The following DROSHA variants were observed in gnomAD, a reference collection of about 807,000 sequenced individuals.
DROSHA encodes the protein drosha ribonuclease III.
DROSHA carries 56 observed loss-of-function variants against 181.9 expected under a neutral mutation model. The observed-to-expected ratio is 0.31, with a 90% confidence interval of 0.25 to 0.38. The LOEUF (loss-of-function observed/expected upper bound fraction) is 0.38. Ranked by LOEUF, DROSHA falls within the 10% of genes least tolerant of loss-of-function variation. The probability of loss-of-function intolerance (pLI) is 1.00; values close to 1 mark genes in which losing one functional copy is unlikely to be tolerated. For synonymous variants in DROSHA, 524 were observed against 591.2 expected (o/e 0.89, Z 1.65); for missense variants, 1,218 against 1,743.5 (o/e 0.70, Z 5.37).
chr5:31,523,124 G>A (rs1740088123), intron 5 of DROSHA, among the ~76,000 whole-genome samples: 1 of 152,184 alleles, frequency 6.6e-6, no homozygotes, highest in Non-Finnish European at 1.5e-5. Flanking sequence ...ACTTCTAGAA[G>A]TTATATTAGG....
chr5:31,506,750 C>G (rs1738020027), intron 10 of DROSHA, among the ~76,000 whole-genome samples: 1 of 151,568 alleles, frequency 6.6e-6, no homozygotes, highest in Admixed American at 6.6e-5. Flanking sequence ...CCAGTCATGA[C>G]TTGTTGTGAT....
At chr5:31,460,906 AAAC>A (rs1248779076) in intron 20 of DROSHA, among the ~76,000 whole-genome samples, 2 of 151,982 alleles carry the variant, frequency 1.3e-5, no homozygotes, top group Non-Finnish European at 2.9e-5. Flanking sequence ...TACTGGCAAA[AAAC>A]AACAACAAAA....
Position 31,457,692 on chromosome 5 carries a change from C to T in DROSHA, c.2575-6052G>A, listed in dbSNP as rs184665577. 2.1e-4 allele frequency among the ~76,000 whole-genome samples: 32 copies of T among 152,128 alleles called. No individual in the cohort carries two copies. The South Asian group carries it at 5.2e-3, about 25-fold the overall frequency. ...ATCACTTGAACCTAGGAGTTTGAGA[C>T]GAGCCTGGGCAACAAAACTAGACCC... On this transcript the variant is annotated intron_variant, in intron 20 of 35. Transcript: ENST00000344624.
intron 20 of DROSHA, among the ~76,000 whole-genome samples, chr5:31,457,451 G>A (rs969312086): frequency 9.2e-5 from 14 of 152,046 alleles, no homozygotes; most frequent in African/African-American, 3.1e-4. Flanking sequence ...TTAAAAGATA[G>A]TTACCTGTCC....
At chr5:31,504,483 A>G in intron 11 of DROSHA, 72 bp downstream of exon 11, 2 of 1,487,322 alleles carry the variant, frequency 1.3e-6, no homozygotes, top group Non-Finnish European at 9.3e-7. Flanking sequence ...TTTATGGGGG[A>G]AAGAACAGCA....
chr5:31,459,265 T>A (rs1162719254), intron 20 of DROSHA, among the ~76,000 whole-genome samples: 1 of 152,096 alleles, frequency 6.6e-6, no homozygotes, highest in Admixed American at 6.6e-5. Flanking sequence ...TGAGGTGACA[T>A]GCACCTGTAG....
chr5:31,514,628 G>A lies in DROSHA; in HGVS notation c.1290+360C>T, dbSNP rs907013866. Reference sequence around the variant, plus strand: ...CCACTGCACTCCAGCCTGGGTGACAGAGCGAGACCCTGTCTCAAAAATAAA... The same window carrying A: ...CCACTGCACTCCAGCCTGGGTGACAAAGCGAGACCCTGTCTCAAAAATAAA... On this transcript the variant is annotated intron_variant, in intron 8 of 35. Coordinates refer to ENST00000344624, the MANE Select transcript of DROSHA (RefSeq NM_001382508.1). This position sits in a 1 kb window ranked among gnomAD's most constrained non-coding sequence, Gnocchi z 4.4. 3.3e-5 allele frequency among the ~76,000 whole-genome samples: 5 copies of A among 152,148 alleles called. No individual in the cohort carries two copies. Among genetic ancestry groups the A allele is most frequent in the East Asian group, 1.9e-4 (1 of 5,192 alleles).
chr5:31,407,062 G>T, intron 33 of DROSHA, 117 bp from the exon 34 acceptor site: 1 of 678,340 alleles, frequency 1.5e-6, no homozygotes, highest in Non-Finnish European at 2.2e-6. Flanking sequence ...AAAATAACAG[G>T]AAATGTGAAA....
At chr5:31,502,845 G>A (rs1268899830) in intron 11 of DROSHA, among the ~76,000 whole-genome samples, 1 of 152,204 alleles carries the variant, frequency 6.6e-6, no homozygotes, top group Non-Finnish European at 1.5e-5. Context: ...ATCTCTCCCA[G>A]CGGGTGGAGT....
intron 13 of DROSHA, chr5:31,489,123 A>T (rs1036022219): frequency 6.6e-6 from 1 of 152,206 alleles, no homozygotes; most frequent in Non-Finnish European, 1.5e-5. Flanking sequence ...GGTACATGTC[A>T]CAGCTATTAA....
intron 3 of DROSHA, among the ~76,000 whole-genome samples, chr5:31,530,415 A>G (rs1459916784): frequency 1.3e-5 from 2 of 151,984 alleles, no homozygotes; most frequent in African/African-American, 4.8e-5. Flanking sequence ...TTAAGGCTCT[A>G]TTGACTCTGG....
chr5:31,415,424 C>T (rs1391555656), intron 30 of DROSHA, among the ~76,000 whole-genome samples: 1 of 152,172 alleles, frequency 6.6e-6, no homozygotes, highest in Non-Finnish European at 1.5e-5. Context: ...AGGTCAGATA[C>T]AAAGAGCCAA....
intron 21 of DROSHA, 112 bp from the exon 22 acceptor site, chr5:31,449,531 T>C: frequency 8.5e-7 from 1 of 1,175,184 alleles, no homozygotes. Context: ...AGATCAAGAC[T>C]AGCCTGGGCA....
chr5:31,444,126 G>A (rs1303309569), intron 23 of DROSHA, among the ~76,000 whole-genome samples: 2 of 152,222 alleles, frequency 1.3e-5, no homozygotes, highest in Non-Finnish European at 2.9e-5. Context: ...AGCACACGGG[G>A]AAGGGACAGG....
chr5:31,435,929 T>G (rs1459821585), intron 24 of DROSHA, 65 bp from the exon 25 acceptor site: 2 of 1,455,764 alleles, frequency 1.4e-6, no homozygotes, highest in Non-Finnish European at 1.9e-6. Context: ...TGGCTCTGAG[T>G]CACAGAAACA....
At chr5:31,531,656 A>G (rs1277265014) in intron 1 of DROSHA, 131 bp from the exon 2 acceptor site, 1 of 152,030 alleles carries the variant, frequency 6.6e-6, no homozygotes, top group Non-Finnish European at 1.5e-5. Flanking sequence ...CTGATCCATA[A>G]CTGCACATTT....
intron 15 of DROSHA, among the ~76,000 whole-genome samples, chr5:31,484,167 C>T (rs1281790291): frequency 6.6e-6 from 1 of 151,862 alleles, no homozygotes; most frequent in Admixed American, 6.6e-5. Flanking sequence ...GTCAGGATAT[C>T]GAGACCAACC....
At chr5:31,480,178 G>GTATATATATATATATATATATA (rs55828936) in intron 16 of DROSHA, among the ~76,000 whole-genome samples, 1,299 of 84,464 alleles carry the variant, frequency 0.015, 138 homozygotes, top group Non-Finnish European at 0.025. Context: ...GGCAATGTCA[G>GTATATATATATATATATATATA]TATATATATA....
At chr5:31,519,957 G>A (rs1289322461) in intron 6 of DROSHA, among the ~76,000 whole-genome samples, 1 of 152,154 alleles carries the variant, frequency 6.6e-6, no homozygotes, top group East Asian at 1.9e-4. Context: ...TTGTAAGAGA[G>A]ATTGCTGTGT....
Sources: allele counts gnomAD v4.1 joint callset (sites outside exome capture counted in the v4.1 genomes callset), GRCh38; gene constraint gnomAD v4.1.1; non-coding constraint Gnocchi (gnomAD v3.1); transcripts MANE v1.5; gene names NCBI Gene and HGNC (gene_info 2026-07-23, HGNC 2026-07-21).